Variants in SORBS2 observed in about 807,000 individuals in gnomAD.
SORBS2 encodes sorbin and SH3 domain containing 2, also known as sorbin and SH3 domain-containing protein 2.
SORBS2 carries 46 observed loss-of-function variants against 97.7 expected under a neutral mutation model. The observed-to-expected ratio is 0.47, with a 90% CI of 0.37 to 0.60. SORBS2 has a LOEUF of 0.60. Ranked by LOEUF, SORBS2 falls within the 20% of genes least tolerant of loss-of-function variation. SORBS2 has a pLI of 0.00. For missense variants in SORBS2, 1,316 were observed against 1,282.3 expected (o/e 1.03, Z -0.40); for synonymous variants, 476 against 473.4 (o/e 1.01, Z -0.07).
At position 185,669,044 on chromosome 4, in the gene SORBS2, C is replaced by T. The variant is rs143824278; in HGVS notation, c.-45-6802G>A. The stretch of plus-strand genomic sequence containing the variant: ...TACTCAAACTAGCACTGAGCTTCTT[C>T]GTCCAAATGACTCCAACCCAGAATG... On this transcript the variant is annotated intron_variant, in intron 4 of 20. Coordinates refer to the SORBS2 transcript ENST00000284776. Among the ~76,000 whole-genome samples the T allele has an allele frequency of 5.4e-4, 83 of 152,322 alleles. 1 individual carries two copies. Among genetic ancestry groups the T allele is most frequent in the African/African-American group, 1.7e-3 (72 of 41,582 alleles).
chr4:185,714,373 T>G (rs1333642161), intron 2 of SORBS2, among the ~76,000 whole-genome samples: 1 of 152,244 alleles, frequency 6.6e-6, no homozygotes, highest in Non-Finnish European at 1.5e-5. Flanking sequence ...ATACTGAGTT[T>G]CATGGATACA....
intron 12 of SORBS2, among the ~76,000 whole-genome samples, chr4:185,599,555 A>T (rs972570469): frequency 6.6e-5 from 10 of 152,272 alleles, no homozygotes; most frequent in African/African-American, 1.4e-4. Context: ...TCATGGATTT[A>T]AAAAAAATCC....
At chr4:185,886,757 G>A (rs1214231581) in intron 1 of SORBS2, among the ~76,000 whole-genome samples, 1 of 152,094 alleles carries the variant, frequency 6.6e-6, no homozygotes, top group Non-Finnish European at 1.5e-5. Flanking sequence ...CGGGACTTGG[G>A]AGACGTAAAG....
chr4:185,858,001 AT>A (rs1296219222), intron 1 of SORBS2, among the ~76,000 whole-genome samples: 2 of 151,872 alleles, frequency 1.3e-5, no homozygotes, highest in Non-Finnish European at 2.9e-5. Context: ...GAAGTATGTG[AT>A]CTCTGTGACC....
chr4:185,611,513 T>G (rs545259525), intron 12 of SORBS2, among the ~76,000 whole-genome samples: 1 of 152,150 alleles, frequency 6.6e-6, no homozygotes, highest in South Asian at 2.1e-4. Context: ...CGAGACTTCA[T>G]GATACTCTCG....
Position 185,953,224 on chromosome 4 carries a change from G to T in SORBS2, c.-338+2972C>A, listed in dbSNP as rs111794867. On this transcript the variant is annotated intron_variant, in intron 1 of 20. Transcript: ENST00000284776. Reference sequence around the variant, plus strand: ...AGCTACTAGGGAGGCTGATGCAGGAGAATTGCTTGAACCCGGGAGGTGGAG... The same window carrying T: ...AGCTACTAGGGAGGCTGATGCAGGATAATTGCTTGAACCCGGGAGGTGGAG... 6.6e-5 allele frequency among the ~76,000 whole-genome samples: 10 copies of T among 152,364 alleles called. 1 individual carries two copies. The highest frequency in any genetic ancestry group is 2.4e-4 in the African/African-American group (10 of 41,586).
intron 1 of SORBS2, among the ~76,000 whole-genome samples, chr4:185,882,809 A>G (rs2099237528): frequency 6.6e-6 from 1 of 152,230 alleles, no homozygotes; most frequent in African/African-American, 2.4e-5. Flanking sequence ...ATTATTGACA[A>G]AGACAAGAAA....
At chr4:185,847,936 G>C (rs935984890) in intron 1 of SORBS2, among the ~76,000 whole-genome samples, 1 of 152,186 alleles carries the variant, frequency 6.6e-6, no homozygotes, top group African/African-American at 2.4e-5. Context: ...GCATTCCGCA[G>C]GCTTCTCACA....
rs536087821 is a variant in SORBS2 at position 185,788,091 on chromosome 4, A to G, written c.-337-12725T>C. On this transcript the variant is annotated intron_variant, in intron 1 of 20. Coordinates refer to the SORBS2 transcript ENST00000284776. ...GGGCCTGCCGGGCTGTTCCGTGAGCACCAGGGCTGCTCCAGCGCCAGCTGC... is the reference window on the plus strand; with the variant it reads ...GGGCCTGCCGGGCTGTTCCGTGAGCGCCAGGGCTGCTCCAGCGCCAGCTGC... 3.2e-4 allele frequency among the ~76,000 whole-genome samples: 49 copies of G among 152,362 alleles called. 1 individual carries two copies. In the South Asian group the frequency reaches 9.9e-3, roughly 31 times the overall value.
At chr4:185,616,600 A>G (rs1234744670) in intron 9 of SORBS2, among the ~76,000 whole-genome samples, 1 of 151,384 alleles carries the variant, frequency 6.6e-6, no homozygotes, top group African/African-American at 2.4e-5. Context: ...AAAGCTATGA[A>G]AAAGACTCTT....
intron 1 of SORBS2, among the ~76,000 whole-genome samples, chr4:185,889,964 G>T (rs1007072090): frequency 1.1e-4 from 16 of 152,082 alleles, no homozygotes; most frequent in Non-Finnish European, 2.1e-4. Flanking sequence ...TCAACTCACT[G>T]CAACCTCTGC....
intron 1 of SORBS2, among the ~76,000 whole-genome samples, chr4:185,915,255 A>G (rs2099257489): frequency 6.6e-6 from 1 of 152,224 alleles, no homozygotes; most frequent in South Asian, 2.1e-4. Context: ...TTGTTTTTGA[A>G]GCAACTTTTA....
At chr4:185,656,535 G>T in intron 1 of SORBS2, 2 of 999,546 alleles carry the variant, frequency 2.0e-6, no homozygotes, top group Non-Finnish European at 3.0e-6. Context: ...AGCAGCTCTT[G>T]GCCACACCCC....
chr4:185,736,079 C>G (rs967893514), intron 2 of SORBS2, among the ~76,000 whole-genome samples: 1 of 152,208 alleles, frequency 6.6e-6, no homozygotes, highest in East Asian at 1.9e-4. Flanking sequence ...GGGGTGGGGT[C>G]TCCCCACAGA....
At chr4:185,822,545 G>T (rs542702174) in intron 1 of SORBS2, among the ~76,000 whole-genome samples, 1 of 152,330 alleles carries the variant, frequency 6.6e-6, no homozygotes, top group South Asian at 2.1e-4. Flanking sequence ...TGGGATATTA[G>T]AAAAGACATA....
At chr4:185,705,095 C>A (rs1196537957) in intron 2 of SORBS2, among the ~76,000 whole-genome samples, 1 of 152,230 alleles carries the variant, frequency 6.6e-6, no homozygotes. Context: ...CACACGTACA[C>A]ATGCTGTTGT....
chr4:185,750,191 C>A (rs576183576), intron 2 of SORBS2, among the ~76,000 whole-genome samples: 1 of 152,178 alleles, frequency 6.6e-6, no homozygotes, highest in Non-Finnish European at 1.5e-5. Context: ...AGAACTCTTT[C>A]GAAACTATTC....
Position 185,623,281 on chromosome 4 carries a change from C to G in SORBS2, c.1848G>C (p.Ser616=). 1 of 1,613,860 alleles carries G rather than the reference C, an allele frequency of 6.2e-7. No homozygotes were observed. Among genetic ancestry groups the G allele is most frequent in the Non-Finnish European group, 8.5e-7 (1 of 1,180,002 alleles). Residue 616 remains serine, a synonymous_variant, in exon 7 of 15, where the codon TCG becomes TCC. Coordinates refer to ENST00000418609, the Ensembl canonical transcript of SORBS2. The surrounding 1 kb of genome is among the most constrained non-coding windows in gnomAD (Gnocchi z 6.4). ...CCTTTTCAGTCTGTTTCTTAGGAGC[C>G]GAATTTTTTTTCCTCCGGAAAGGCA... is the stretch of plus-strand genomic sequence containing the variant.
chr4:185,703,751 T>C (rs1281772612), intron 2 of SORBS2, among the ~76,000 whole-genome samples: 2 of 152,232 alleles, frequency 1.3e-5, no homozygotes, highest in South Asian at 4.1e-4. Flanking sequence ...GTTCAGATGT[T>C]TTGGAATTTG....
Sources: gnomAD v4.1 joint callset for allele counts (sites outside exome capture counted in the v4.1 genomes callset) on GRCh38, gnomAD v4.1.1 for gene constraint, Gnocchi (gnomAD v3.1) non-coding constraint, MANE v1.5 for transcripts, NCBI Gene and HGNC (gene_info 2026-07-23, HGNC 2026-07-21) for gene names.